The following CDC14A variants were observed in gnomAD, a reference collection of about 807,000 sequenced individuals.
CDC14A encodes the protein cell division cycle 14A, also known as dual specificity protein phosphatase CDC14A.
Under a neutral mutation model 74.4 loss-of-function variants are expected in CDC14A, and 53 were observed. That is an observed-to-expected ratio of 0.71 (90% confidence interval 0.57 to 0.89). The LOEUF (loss-of-function observed/expected upper bound fraction) is 0.89. Ranked by LOEUF, CDC14A falls within the 40% of genes least tolerant of loss-of-function variation. The pLI is 0.00. For synonymous variants in CDC14A, 247 were observed against 258.4 expected (o/e 0.96, Z 0.43); for missense variants, 646 against 713.7 (o/e 0.91, Z 1.08).
chr1:100,479,130 A>G (rs1387952273), intron 10 of CDC14A, among the ~76,000 whole-genome samples: 1 of 152,202 alleles, frequency 6.6e-6, no homozygotes, highest in Admixed American at 6.5e-5. Context: ...TAATAGTTAA[A>G]CCATTGCTTT....
intron 4 of CDC14A, among the ~76,000 whole-genome samples, chr1:100,404,595 C>T (rs1659695373): frequency 6.6e-6 from 1 of 152,178 alleles, no homozygotes; most frequent in Admixed American, 6.5e-5. Context: ...CTTTGGGAGG[C>T]TGAGGCGGGT....
At chr1:100,459,120 C>CAGAGAGAGAGAGAGAG (rs1157099545) in intron 8 of CDC14A, among the ~76,000 whole-genome samples, 5 of 148,720 alleles carry the variant, frequency 3.4e-5, no homozygotes, top group African/African-American at 1.3e-4. Flanking sequence ...CACACACACA[C>CAGAGAGAGAGAGAGAG]ACACACAGAG....
rs11382441 is a variant in CDC14A, at chr1:100,466,871, CAAAAAAAAAA to C, written c.839-1075_839-1066del. On this transcript the variant is annotated intron_variant, in intron 9 of 15. Transcript: ENST00000336454. ...GGCAACAGCAGCAAAACTCGGTCTC[CAAAAAAAAAA>C]AAAAAAAAAGAAGGGTTAATGGGAA... Among the ~76,000 whole-genome samples the C allele has an allele frequency of 4.2e-3, 363 of 87,296 alleles. 3 individuals are homozygous for C. Among genetic ancestry groups the C allele is most frequent in the Non-Finnish European group, 6.0e-3 (268 of 44,458 alleles). 57.3% of individuals were successfully genotyped at this position (87,296 alleles called of 152,430 possible). A position where few individuals can be genotyped will look rare whatever the true frequency, so the allele number is the denominator to read the frequency against.
rs1649457623 is a variant in CDC14A, at chr1:100,508,734, C to A, written c.1755+9472C>A. 6.6e-6 allele frequency among the ~76,000 whole-genome samples: 1 copy of A among 152,176 alleles called. No homozygotes were observed. The highest frequency in any genetic ancestry group is 1.5e-5 in the Non-Finnish European group (1 of 68,042). ...CCCATGTGGGAGAGCCTGACTCCAC[C>A]CCTGATTTCAGGCCAGGGGCTTTCG... On this transcript the variant is annotated intron_variant, in intron 15 of 15. Coordinates refer to ENST00000336454, the MANE Select transcript of CDC14A (RefSeq NM_003672.4). The surrounding 1 kb of genome is among the most constrained non-coding windows in gnomAD (Gnocchi z 4.4).
At chr1:100,444,470 G>T (rs1665309243) in intron 7 of CDC14A, among the ~76,000 whole-genome samples, 1 of 152,034 alleles carries the variant, frequency 6.6e-6, no homozygotes, top group South Asian at 2.1e-4. Flanking sequence ...TCCTGTCCTG[G>T]CATTCTTAGC....
intron 4 of CDC14A, among the ~76,000 whole-genome samples, chr1:100,402,243 C>T (rs1311372377): frequency 1.3e-5 from 2 of 151,982 alleles, no homozygotes; most frequent in African/African-American, 2.4e-5. Flanking sequence ...AGAGCATGTT[C>T]TGTACATGTC....
At position 100,462,811 on chromosome 1, in the gene CDC14A, T is replaced by A. The variant is rs1267670404; in HGVS notation, c.768T>A (p.Ser256Arg). The change falls in exon 9 of 16, where the codon AGT becomes AGA. Residue 256 changes from serine to arginine, a missense_variant. Coordinates refer to ENST00000336454, the MANE Select transcript of CDC14A (RefSeq NM_003672.4). ...DLFFIDGSTP[S>R]DNIVRRFLNI... is the part of the protein sequence containing the mutation. ...TCTTCATAGATGGCAGCACACCCAG[T>A]GACAACATCGTGCGAAGGTTCCTGA... The A allele has an allele frequency of 6.2e-7, 1 of 1,614,034 alleles. No homozygotes were observed. Among genetic ancestry groups the A allele is most frequent in the South Asian group, 1.1e-5 (1 of 91,078 alleles).
At chr1:100,362,690 G>A (rs1028439496) in intron 2 of CDC14A, among the ~76,000 whole-genome samples, 1 of 152,080 alleles carries the variant, frequency 6.6e-6, no homozygotes, top group South Asian at 2.1e-4. Flanking sequence ...TTTAATCAAC[G>A]AAATACTTCC....
rs75074694 is a variant in CDC14A at position 100,422,144 on chromosome 1, A to C, written c.310-2078A>C. On this transcript the variant is annotated intron_variant, in intron 4 of 15. Transcript: ENST00000336454. Reference sequence around the variant, plus strand: ...TGAGCACTGGGATAAAAATAAAAACAAAGGGTCTCATCTTGCAGTGTGAGA... The same window carrying C: ...TGAGCACTGGGATAAAAATAAAAACCAAGGGTCTCATCTTGCAGTGTGAGA... Among the ~76,000 whole-genome samples, 4 of 152,308 alleles carry C rather than the reference A, an allele frequency of 2.6e-5. No homozygotes were observed. In the East Asian group the frequency reaches 7.7e-4, roughly 29 times the overall value.
intron 15 of CDC14A, among the ~76,000 whole-genome samples, chr1:100,517,084 C>G (rs935462801): frequency 2.0e-5 from 3 of 152,204 alleles, no homozygotes; most frequent in Admixed American, 1.3e-4. Flanking sequence ...GGCTTTCGCC[C>G]TTTGCGGTCA....
intron 4 of CDC14A, among the ~76,000 whole-genome samples, chr1:100,405,202 C>T (rs575860958): frequency 6.6e-6 from 1 of 152,330 alleles, no homozygotes; most frequent in South Asian, 2.1e-4. Flanking sequence ...CAGCTCTTCA[C>T]TGTCATTTTC....
chr1:100,453,366 T>G (rs1571228328), intron 7 of CDC14A, among the ~76,000 whole-genome samples: 1 of 152,248 alleles, frequency 6.6e-6, no homozygotes, highest in Non-Finnish European at 1.5e-5. Flanking sequence ...GAAACCTGTT[T>G]TCTTTTATTG....
At chr1:100,404,089 G>A (rs1659617039) in intron 4 of CDC14A, among the ~76,000 whole-genome samples, 1 of 151,564 alleles carries the variant, frequency 6.6e-6, no homozygotes, top group South Asian at 2.1e-4. Context: ...CTCTTCATGA[G>A]CACTTTCTGA....
At chr1:100,391,665 G>A (rs1657718568) in intron 4 of CDC14A, among the ~76,000 whole-genome samples, 1 of 152,172 alleles carries the variant, frequency 6.6e-6, no homozygotes, top group African/African-American at 2.4e-5. Context: ...GACTTTTCAA[G>A]GGCCTCATTC....
In CDC14A at chr1:100,440,649, A is replaced by T. The variant is rs561378804; in HGVS notation, c.456+651A>T. Among the ~76,000 whole-genome samples the T allele has an allele frequency of 3.3e-5, 5 of 152,316 alleles. No individual in the cohort carries two copies. In the South Asian group the frequency reaches 1.0e-3, roughly 32 times the overall value. ...CTCGAACATATAACTATGGTTTATT[A>T]TCAGTCAGGAATGTACATATTACAT... On this transcript the variant is annotated intron_variant, in intron 6 of 15. Coordinates refer to ENST00000336454, the MANE Select transcript of CDC14A (RefSeq NM_003672.4).
intron 8 of CDC14A, among the ~76,000 whole-genome samples, chr1:100,460,186 G>A (rs1456680759): frequency 2.0e-5 from 3 of 152,268 alleles, no homozygotes; most frequent in South Asian, 2.1e-4. Flanking sequence ...CTTGATAAAC[G>A]TTAGGTGCAA....
chr1:100,452,572 C>T (rs996281996), intron 7 of CDC14A, among the ~76,000 whole-genome samples: 13 of 152,082 alleles, frequency 8.5e-5, no homozygotes, highest in African/African-American at 3.1e-4. Context: ...TTTGAGTGCA[C>T]CAGGAGAGTG....
chr1:100,409,223 A>G (rs937428670), intron 4 of CDC14A, among the ~76,000 whole-genome samples: 7 of 152,130 alleles, frequency 4.6e-5, no homozygotes, highest in African/African-American at 1.7e-4. Context: ...ATTCACTATC[A>G]CAAACATAGC....
At chr1:100,505,984 C>T (rs1557837921) in intron 15 of CDC14A, among the ~76,000 whole-genome samples, 1 of 151,990 alleles carries the variant, frequency 6.6e-6, no homozygotes, top group Non-Finnish European at 1.5e-5. Context: ...TTTTAAACCA[C>T]CAGATCTCAT....
Sources: gnomAD v4.1 joint callset for allele counts (sites outside exome capture counted in the v4.1 genomes callset) on GRCh38, gnomAD v4.1.1 for gene constraint, Gnocchi (gnomAD v3.1) non-coding constraint, MANE v1.5 for transcripts, NCBI Gene and HGNC (gene_info 2026-07-23, HGNC 2026-07-21) for gene names.